THSD4: variants seen among roughly 807,000 people sequenced by gnomAD.
THSD4 encodes thrombospondin type 1 domain containing 4.
Under a neutral mutation model 119.0 loss-of-function variants are expected in THSD4, and 69 were observed. That is an observed-to-expected ratio of 0.58 (90% CI 0.48 to 0.71). The LOEUF (loss-of-function observed/expected upper bound fraction) is 0.71. Among genes scored for constraint, THSD4 ranks in the 30% least tolerant of loss-of-function variants. The pLI is 0.00. For synonymous variants in THSD4, 524 were observed against 540.4 expected, an observed-to-expected ratio of 0.97 and a Z score of 0.42; for missense variants, 1,393 against 1,391.1, an observed-to-expected ratio of 1.00 and a Z score of -0.02.
intron 7 of THSD4, among the ~76,000 whole-genome samples, chr15:71,571,214 T>G (rs1019233906): frequency 1.2e-4 from 19 of 152,244 alleles, no homozygotes; most frequent in African/African-American, 4.3e-4. Context: ...AACTCACTTT[T>G]TTTTTTTTCC....
At chr15:71,313,526 A>G (rs549869161) in intron 6 of THSD4, among the ~76,000 whole-genome samples, 5 of 152,302 alleles carry the variant, frequency 3.3e-5, no homozygotes, top group African/African-American at 1.2e-4. Context: ...CACACAGCTA[A>G]TGCATGCTGG....
At chr15:71,477,176 G>A (rs975025546) in intron 7 of THSD4, among the ~76,000 whole-genome samples, 6 of 152,212 alleles carry the variant, frequency 3.9e-5, no homozygotes, top group Admixed American at 2.6e-4. Flanking sequence ...AGCTCCACAC[G>A]CCCTCCTTCA....
At chr15:71,229,047 C>T (rs2044040461) in intron 4 of THSD4, among the ~76,000 whole-genome samples, 1 of 152,228 alleles carries the variant, frequency 6.6e-6, no homozygotes, top group Non-Finnish European at 1.5e-5. Context: ...TAGTCTATCC[C>T]TGTAATCCTC....
intron 7 of THSD4, among the ~76,000 whole-genome samples, chr15:71,641,679 A>G (rs1359800921): frequency 6.6e-6 from 1 of 152,166 alleles, no homozygotes; most frequent in African/African-American, 2.4e-5. Flanking sequence ...AACAGTTTAG[A>G]ATCCCTTATG....
chr15:71,640,980 G>GACACACACACACACAC (rs10551548), intron 7 of THSD4, among the ~76,000 whole-genome samples: 1 of 146,608 alleles, frequency 6.8e-6, no homozygotes, highest in Non-Finnish European at 1.5e-5. Flanking sequence ...CCCACCTACA[G>GACACACACACACACAC]ACACACACAC....
intron 3 of THSD4, 125 bp downstream of exon 3, chr15:71,155,057 A>G (rs1337365394): frequency 1.2e-6 from 1 of 866,306 alleles, no homozygotes; most frequent in Non-Finnish European, 1.9e-6. Flanking sequence ...AGCACCATTT[A>G]CAGAATATGG....
rs76440751 is a variant in THSD4, at chr15:71,652,919, C to T, written c.1153-7611C>T. On this transcript the variant is annotated intron_variant, in intron 7 of 17. Transcript: ENST00000261862. ...TTTGATCTTCATTGATTCCTGTTTC[C>T]AATTTAATTTTGTGTATATACAGCA... is the stretch of plus-strand genomic sequence containing the variant. Among the ~76,000 whole-genome samples the T allele has an allele frequency of 5.4e-3, 826 of 152,240 alleles. 16 individuals carry two copies. The highest frequency in any genetic ancestry group is 0.039 in the Admixed American group (590 of 15,300).
intron 8 of THSD4, among the ~76,000 whole-genome samples, chr15:71,672,522 A>C (rs149068847): frequency 6.6e-6 from 1 of 152,172 alleles, no homozygotes; most frequent in African/African-American, 2.4e-5. Flanking sequence ...TTCCAACACT[A>C]TGTTGAATAG....
chr15:71,329,346 G>A (rs1394661053), intron 6 of THSD4, among the ~76,000 whole-genome samples: 1 of 152,174 alleles, frequency 6.6e-6, no homozygotes, highest in Non-Finnish European at 1.5e-5. Context: ...TGAGATGTCT[G>A]CGGCAGAATG....
intron 6 of THSD4, among the ~76,000 whole-genome samples, chr15:71,385,540 G>T (rs1179056081): frequency 6.6e-6 from 1 of 151,198 alleles, no homozygotes; most frequent in African/African-American, 2.4e-5. Flanking sequence ...GAAAACAGAA[G>T]TGACTTATAG....
chr15:71,442,923 CT>C (rs1323374919), intron 7 of THSD4, among the ~76,000 whole-genome samples: 2 of 151,398 alleles, frequency 1.3e-5, no homozygotes, highest in Non-Finnish European at 2.9e-5. Context: ...GTCCCTTGTG[CT>C]TGACACCTTC....
chr15:71,768,267 C>CAAAAAAAACCA (rs757584958), intron 16 of THSD4, among the ~76,000 whole-genome samples: 58 of 74,550 alleles, frequency 7.8e-4, no homozygotes, highest in Non-Finnish European at 1.9e-3. Flanking sequence ...AGTAGTCTCA[C>CAAAAAAAACCA]AAAAAAAACC....
chr15:71,652,511 T>C (rs1463480346), intron 7 of THSD4, among the ~76,000 whole-genome samples: 1 of 152,164 alleles, frequency 6.6e-6, no homozygotes, highest in Non-Finnish European at 1.5e-5. Flanking sequence ...AGGAAAATTA[T>C]GAAAGTAAAG....
At chr15:71,496,706 G>A (rs2048022774) in intron 7 of THSD4, among the ~76,000 whole-genome samples, 1 of 152,182 alleles carries the variant, frequency 6.6e-6, no homozygotes, top group Admixed American at 6.5e-5. Flanking sequence ...ATCTAACCAG[G>A]CACAATGATG....
chr15:71,748,794 G>A (rs1042743544), intron 14 of THSD4, among the ~76,000 whole-genome samples, 200 bp downstream of exon 14: 2 of 152,178 alleles, frequency 1.3e-5, no homozygotes, highest in African/African-American at 2.4e-5. Flanking sequence ...GAGGGTGTAT[G>A]CAAAACTTGA....
intron 8 of THSD4, among the ~76,000 whole-genome samples, chr15:71,724,288 T>TATATATATA (rs1491162842): frequency 3.2e-4 from 10 of 31,464 alleles, no homozygotes; most frequent in African/African-American, 5.2e-4. Flanking sequence ...TATATATATA[T>TATATATATA]TTTTTTTTTC....
intron 1 of THSD4, among the ~76,000 whole-genome samples, chr15:71,134,072 C>T (rs184215160): frequency 1.3e-3 from 203 of 152,280 alleles, no homozygotes; most frequent in African/African-American, 4.8e-3. Context: ...CTGCTCTGGG[C>T]AAGCCAGCCA....
At position 71,670,455 on chromosome 15, in the gene THSD4, C is replaced by T. The variant is rs367862198; in HGVS notation, c.1357+9721C>T. Among the ~76,000 whole-genome samples, 6 of 150,328 alleles carry T rather than the reference C, an allele frequency of 4.0e-5. No individual in the cohort carries two copies. In the East Asian group the frequency reaches 8.0e-4, roughly 20 times the overall value. On this transcript the variant is annotated intron_variant, in intron 8 of 17. Transcript: ENST00000261862. Reference sequence around the variant, plus strand: ...ATAGTATTCCATGGTGTATATGTGCCACATTTTCTTTTTTTGTTTGTTTTT... The same window carrying T: ...ATAGTATTCCATGGTGTATATGTGCTACATTTTCTTTTTTTGTTTGTTTTT...
chr15:71,241,922 T>A (rs1326699930), intron 4 of THSD4, among the ~76,000 whole-genome samples: 1 of 152,204 alleles, frequency 6.6e-6, no homozygotes, highest in Non-Finnish European at 1.5e-5. Context: ...TTTTTTTAGC[T>A]CATCAACTGT....
Sources: gnomAD v4.1 joint callset for allele counts (sites outside exome capture counted in the v4.1 genomes callset) on GRCh38, gnomAD v4.1.1 for gene constraint, MANE v1.5 for transcripts, NCBI Gene and HGNC (gene_info 2026-07-23, HGNC 2026-07-21) for gene names.